RYR2: variants seen among roughly 807,000 people sequenced by gnomAD.
The protein encoded by RYR2 is ryanodine receptor 2.
In RYR2, 227 loss-of-function variants were observed where a neutral mutation model predicts 601.1. That is an observed-to-expected ratio of 0.38 (90% CI 0.34 to 0.42). RYR2 has a LOEUF of 0.42. Among genes scored for constraint, RYR2 ranks in the 10% least tolerant of loss-of-function variants. The probability of loss-of-function intolerance (pLI) is 1.00; values close to 1 mark genes in which losing one functional copy is unlikely to be tolerated. For synonymous variants in RYR2, 2,223 were observed against 2,175.1 expected (o/e 1.02, Z -0.61); for missense variants, 4,646 against 6,156.5 (o/e 0.75, Z 8.21).
At chr1:237,557,611 A>G (rs1416899474) in intron 27 of RYR2, among the ~76,000 whole-genome samples, 5 of 151,982 alleles carry the variant, frequency 3.3e-5, no homozygotes, top group African/African-American at 1.2e-4. Context: ...TCTTTAGGAA[A>G]AAGGCTGAAT....
intron 1 of RYR2, among the ~76,000 whole-genome samples, chr1:237,182,301 T>C (rs148293722): frequency 0.026 from 3,976 of 152,106 alleles, 68 homozygotes; most frequent in Non-Finnish European, 0.039. Context: ...TTTGTATTTT[T>C]AGTAGAGACG....
intron 88 of RYR2, among the ~76,000 whole-genome samples, chr1:237,781,212 A>C (rs142314108): frequency 0.011 from 1,648 of 152,050 alleles, 18 homozygotes; most frequent in Middle Eastern, 0.02. Context: ...CCCTGCCCAG[A>C]TAAATTTTTG....
intron 1 of RYR2, among the ~76,000 whole-genome samples, chr1:237,208,650 C>G (rs184569748): frequency 6.6e-6 from 1 of 151,762 alleles, no homozygotes; most frequent in African/African-American, 2.4e-5. Context: ...TGTGAAATGA[C>G]GACCAAAACC....
intron 8 of RYR2, among the ~76,000 whole-genome samples, chr1:237,384,392 G>A (rs1054295026): frequency 1.3e-5 from 2 of 152,184 alleles, no homozygotes; most frequent in African/African-American, 4.8e-5. Context: ...CCACCTCTTA[G>A]CATGTGCTGT....
At chr1:237,712,119 G>A (rs1409974394) in intron 71 of RYR2, among the ~76,000 whole-genome samples, 1 of 152,076 alleles carries the variant, frequency 6.6e-6, no homozygotes, top group Non-Finnish European at 1.5e-5. Flanking sequence ...GGGCCCCCCG[G>A]GGAGAGGTCA....
At chr1:237,330,544 C>A (rs554347576) in intron 2 of RYR2, among the ~76,000 whole-genome samples, 1 of 152,104 alleles carries the variant, frequency 6.6e-6, no homozygotes, top group African/African-American at 2.4e-5. Flanking sequence ...TGTGCCGCTG[C>A]GTCTGGCTAC....
At chr1:237,323,028 G>A (rs2149532344) in intron 2 of RYR2, among the ~76,000 whole-genome samples, 1 of 152,196 alleles carries the variant, frequency 6.6e-6, no homozygotes, top group South Asian at 2.1e-4. Flanking sequence ...TCTAAACTCT[G>A]AATTTAGTAG....
chr1:237,216,080 A>G (rs2149115178), intron 1 of RYR2, among the ~76,000 whole-genome samples: 1 of 152,334 alleles, frequency 6.6e-6, no homozygotes, highest in East Asian at 1.9e-4. Context: ...GAAATAATGC[A>G]TTATAGCATC....
chr1:237,802,137 A>G, intron 98 of RYR2: 2 of 354,206 alleles, frequency 5.6e-6, no homozygotes, highest in Non-Finnish European at 1.0e-5. Context: ...AATATATGAA[A>G]AACTGAGATG....
chr1:237,157,205 A>G (rs906418343), intron 1 of RYR2, among the ~76,000 whole-genome samples: 13 of 146,422 alleles, frequency 8.9e-5, no homozygotes, highest in Non-Finnish European at 1.0e-4. Context: ...CTGAGGCAGG[A>G]GAATCACTTG....
At chr1:237,430,686 G>A (rs1384897843) in intron 12 of RYR2, among the ~76,000 whole-genome samples, 2 of 152,124 alleles carry the variant, frequency 1.3e-5, no homozygotes, top group African/African-American at 4.8e-5. Flanking sequence ...CTGACATTCT[G>A]GGACATAAGT....
At chr1:237,637,754 C>G (rs1422413932) in intron 44 of RYR2, among the ~76,000 whole-genome samples, 2 of 152,146 alleles carry the variant, frequency 1.3e-5, no homozygotes, top group Non-Finnish European at 2.9e-5. Context: ...GACATGTTTG[C>G]AATTTATGAC....
At chr1:237,384,018 A>G (rs1701776499) in intron 8 of RYR2, among the ~76,000 whole-genome samples, 1 of 152,180 alleles carries the variant, frequency 6.6e-6, no homozygotes, top group African/African-American at 2.4e-5. Context: ...TTGCTTTCTG[A>G]ATATTGCATA....
chr1:237,710,529 T>A (rs989747333), intron 70 of RYR2, among the ~76,000 whole-genome samples: 1 of 152,038 alleles, frequency 6.6e-6, no homozygotes, highest in Non-Finnish European at 1.5e-5. Context: ...ACATAATCAC[T>A]CAGAAAGGAT....
chr1:237,323,929 A>G (rs1184081966), intron 2 of RYR2, among the ~76,000 whole-genome samples: 1 of 152,220 alleles, frequency 6.6e-6, no homozygotes, highest in Non-Finnish European at 1.5e-5. Context: ...GAGTTGACAC[A>G]GGAAAAATCT....
At chr1:237,301,882 C>T (rs1371132671) in intron 2 of RYR2, among the ~76,000 whole-genome samples, 1 of 152,182 alleles carries the variant, frequency 6.6e-6, no homozygotes, top group Non-Finnish European at 1.5e-5. Context: ...CCCTATTTGT[C>T]TATCCAGAGT....
chr1:237,259,582 C>T (rs1448751214), intron 1 of RYR2, among the ~76,000 whole-genome samples: 1 of 150,296 alleles, frequency 6.7e-6, no homozygotes, highest in Non-Finnish European at 1.5e-5. Flanking sequence ...AAACCACACA[C>T]ACAGCATAAA....
At chr1:237,726,555 C>T (rs920799126) in intron 75 of RYR2, among the ~76,000 whole-genome samples, 11 of 152,140 alleles carry the variant, frequency 7.2e-5, no homozygotes, top group Non-Finnish European at 1.5e-4. Context: ...GTTCACAAAG[C>T]GTTGTCTTCT....
At chr1:237,427,200 C>G (rs1452084919) in intron 12 of RYR2, among the ~76,000 whole-genome samples, 1 of 152,036 alleles carries the variant, frequency 6.6e-6, no homozygotes, top group East Asian at 1.9e-4. Context: ...ACTAAAGAGT[C>G]AGAGACATAA....
Sources: gnomAD v4.1 joint callset for allele counts (sites outside exome capture counted in the v4.1 genomes callset) on GRCh38, gnomAD v4.1.1 for gene constraint, MANE v1.5 for transcripts, NCBI Gene and HGNC (gene_info 2026-07-23, HGNC 2026-07-21) for gene names.